CFAP74: variants seen among roughly 807,000 people sequenced by gnomAD.
CFAP74 encodes the protein cilia- and flagella-associated protein 74.
A neutral mutation model predicts 188.9 loss-of-function variants in CFAP74; 124 were observed. The observed-to-expected ratio is 0.66, with a 90% CI of 0.57 to 0.76. CFAP74 has a LOEUF of 0.76. Ranked by LOEUF, CFAP74 falls within the 30% of genes least tolerant of loss-of-function variation. The pLI is 0.00. For missense variants in CFAP74, 2,198 were observed against 2,165.2 expected (o/e 1.02, Z -0.30); for synonymous variants, 956 against 916.7 (o/e 1.04, Z -0.77).
intron 2 of CFAP74, among the ~76,000 whole-genome samples, 187 bp downstream of exon 2, chr1:1,990,703 C>T (rs776166105): frequency 3.3e-5 from 5 of 152,212 alleles, no homozygotes; most frequent in Non-Finnish European, 5.9e-5. Context: ...CCGCCTTCAA[C>T]ATCTCAGCCA....
chr1:1,971,391 GCACACACGGT>G (rs1167262010), intron 9 of CFAP74, among the ~76,000 whole-genome samples: 1 of 150,920 alleles, frequency 6.6e-6, no homozygotes, highest in Non-Finnish European at 1.5e-5. Flanking sequence ...GCACACACGT[GCACACACGGT>G]CACACATGCA....
At chr1:1,959,535 G>A (rs1220844702) in intron 15 of CFAP74, among the ~76,000 whole-genome samples, 2 of 152,202 alleles carry the variant, frequency 1.3e-5, no homozygotes, top group Non-Finnish European at 2.9e-5. Context: ...CAAAGTGCTG[G>A]GATTACAGGC....
chr1:1,963,197 TACC>T (rs1655212460), intron 14 of CFAP74, among the ~76,000 whole-genome samples: 1 of 152,094 alleles, frequency 6.6e-6, no homozygotes, highest in Admixed American at 6.5e-5. Flanking sequence ...ATGCCTGTAA[TACC>T]AGTACTTTGG....
At chr1:1,944,701 C>T (rs1050900253) in intron 20 of CFAP74, among the ~76,000 whole-genome samples, 10 of 152,252 alleles carry the variant, frequency 6.6e-5, no homozygotes, top group Middle Eastern at 6.8e-3. Flanking sequence ...CTGCCTCCCG[C>T]GTTCAAGCAA....
intron 25 of CFAP74, among the ~76,000 whole-genome samples, chr1:1,933,186 T>C (rs1048924377): frequency 1.9e-5 from 2 of 104,420 alleles, no homozygotes; most frequent in Non-Finnish European, 3.9e-5. Context: ...GTGCCTGACC[T>C]TTTTTTTTTT....
chr1:1,957,770 G>T (rs915766255), intron 16 of CFAP74, among the ~76,000 whole-genome samples: 68 of 144,956 alleles, frequency 4.7e-4, no homozygotes, highest in African/African-American at 1.9e-3. Context: ...TGTCTGCGGG[G>T]GGGCGGGGGA....
intron 25 of CFAP74, among the ~76,000 whole-genome samples, chr1:1,938,235 T>A (rs1158975830): frequency 3.5e-5 from 5 of 141,824 alleles, no homozygotes; most frequent in African/African-American, 1.4e-4. Flanking sequence ...AGTCACATGC[T>A]CACACATACA....
chr1:1,991,776 AC>A (rs1657580429), intron 1 of CFAP74, among the ~76,000 whole-genome samples: 1 of 152,124 alleles, frequency 6.6e-6, no homozygotes, highest in Non-Finnish European at 1.5e-5. Flanking sequence ...GTGGTGGCTC[AC>A]ACCTGTAATC....
intron 14 of CFAP74, 39 bp from the exon 15 acceptor site, chr1:1,960,069 G>T (rs1430411795): frequency 3.9e-6 from 6 of 1,551,942 alleles, no homozygotes; most frequent in Non-Finnish European, 5.3e-6. Context: ...GGTTAGTGCT[G>T]CGGAGGGCAG....
chr1:1,934,474 T>A (rs547734709), intron 25 of CFAP74, among the ~76,000 whole-genome samples: 1 of 132,462 alleles, frequency 7.5e-6, no homozygotes, highest in East Asian at 2.3e-4. Context: ...GGTGTGTATG[T>A]GTGTTAGGTT....
At chr1:1,932,570 T>G (rs1570836841) in intron 25 of CFAP74, among the ~76,000 whole-genome samples, 2 of 151,728 alleles carry the variant, frequency 1.3e-5, no homozygotes, top group South Asian at 2.1e-4. Context: ...TTGATTATTA[T>G]TAGTAGTCAA....
chr1:1,966,526 C>T lies in CFAP74; in HGVS notation c.1246G>A (p.Asp416Asn). 1 of 1,548,174 alleles carries T rather than the reference C, an allele frequency of 6.5e-7. No individual in the cohort carries two copies. Among genetic ancestry groups the T allele is most frequent in the Non-Finnish European group, 8.7e-7 (1 of 1,144,224 alleles). The change falls in exon 12 of 39, where the codon GAC (aspartate) becomes AAC (asparagine). Residue 416 changes from aspartate (D) to asparagine (N), a missense_variant and splice_region_variant. Physicochemically the swap from Asp to Asn is conservative, Grantham distance 23. Coordinates refer to ENST00000682832, the MANE Select transcript of CFAP74 (RefSeq NM_001304360.2). ...TTVPTNTYTLDYEAAAGPGPS... is the reference protein window; with the variant it reads ...TTVPTNTYTLNYEAAAGPGPS... ...CCGGGGCCTGCAGCAGCCTCGTAGT[C>T]CTGCAGTCGGGGAGAGGAACATCGC...
At chr1:1,930,884 C>T (rs1652315120) in intron 25 of CFAP74, among the ~76,000 whole-genome samples, 1 of 152,160 alleles carries the variant, frequency 6.6e-6, no homozygotes, top group Non-Finnish European at 1.5e-5. Flanking sequence ...TTGATTCCTG[C>T]CACCATCTAT....
In CFAP74 at chr1:1,968,491, G is replaced by A. The variant is rs559576407; in HGVS notation, c.1245+144C>T. 3.6e-5 allele frequency: 25 copies of A among 692,178 alleles called. No homozygotes were observed. In the African/African-American group the frequency reaches 3.9e-4, roughly 11 times the overall value. The allele number at this position is 692,178 out of a possible 1,614,324, so 42.9% of individuals were successfully genotyped here. A position where few individuals can be genotyped will look rare whatever the true frequency, so the allele number is the denominator to read the frequency against. ...TCCCCTTGTCCTTGAGCTGAGTGGC[G>A]GCCACTCAGCGGGCTCAGCAACCCC... On this transcript the variant is annotated intron_variant, in intron 11 of 38. Coordinates refer to ENST00000682832, the MANE Select transcript of CFAP74 (RefSeq NM_001304360.2). The surrounding 1 kb of genome is among the most constrained non-coding windows in gnomAD (Gnocchi z 4.3).
chr1:1,932,087 CAAAAAACAAAA>C (rs1652445745), intron 25 of CFAP74, among the ~76,000 whole-genome samples: 4 of 53,664 alleles, frequency 7.5e-5, no homozygotes, highest in African/African-American at 1.7e-4. Context: ...AAACAAAAAA[CAAAAAACAAAA>C]AACTTAGAAA....
intron 20 of CFAP74, 26 bp downstream of exon 20, chr1:1,946,291 C>T (rs1341240069): frequency 1.4e-5 from 21 of 1,523,684 alleles, no homozygotes; most frequent in East Asian, 2.5e-5. Flanking sequence ...AGGGTGTGTG[C>T]GTGGCGTGGC....
Position 1,924,410 on chromosome 1 carries a change from G to A in CFAP74, c.4215C>T (p.Ser1405=), listed in dbSNP as rs770759301. The A allele has an allele frequency of 1.1e-5, 17 of 1,498,660 alleles. No homozygotes were observed. Among genetic ancestry groups the A allele is most frequent in the Non-Finnish European group, 1.5e-5 (17 of 1,131,836 alleles). 92.8% of individuals were successfully genotyped at this position (1,498,660 alleles called of 1,614,324 possible). ...QQLPQFLSSP[S]QRTEVVGTQN... ...GCTCACCGACCACCTCCGTCCTCTG[G>A]GAGGGCGAGCTGAGGAACTGCGGCA... The change falls in exon 34 of 39, where the codon TCC becomes TCT. Residue 1405 remains serine (S), a synonymous_variant. Transcript: ENST00000682832.
intron 21 of CFAP74, among the ~76,000 whole-genome samples, chr1:1,943,706 C>T (rs2803331): frequency 0.84 from 127,669 of 152,228 alleles, 53,891 homozygotes; most frequent in African/African-American, 0.93. Context: ...CGGGCCCAGG[C>T]GGGCAGTGCG....
At position 1,956,560 on chromosome 1, in the gene CFAP74, A is replaced by G. The variant is rs943396131; in HGVS notation, c.2016+60T>C. On this transcript the variant is annotated intron_variant, in intron 17 of 38. Coordinates refer to ENST00000682832, the MANE Select transcript of CFAP74 (RefSeq NM_001304360.2). ...CATGTTGTCACCTCTGTTCACCCACATGGGACTGGATTTGGGGGGCAGGTC... is the reference window on the plus strand; with the variant it reads ...CATGTTGTCACCTCTGTTCACCCACGTGGGACTGGATTTGGGGGGCAGGTC... The G allele has an allele frequency of 5.6e-6, 9 of 1,601,806 alleles. No individual in the cohort carries two copies. In the African/African-American group the frequency reaches 6.7e-5, roughly 12 times the overall value.
Sources: gnomAD v4.1 joint callset for allele counts (sites outside exome capture counted in the v4.1 genomes callset) on GRCh38, gnomAD v4.1.1 for gene constraint, Gnocchi (gnomAD v3.1) non-coding constraint, MANE v1.5 for transcripts, NCBI Gene and HGNC (gene_info 2026-07-23, HGNC 2026-07-21) for gene names.